MARCHF1: variants seen among roughly 807,000 people sequenced by gnomAD.
MARCHF1 encodes the protein membrane associated ring-CH-type finger 1.
MARCHF1 carries 40 observed loss-of-function variants against 54.2 expected under a neutral mutation model. The ratio of observed to expected loss-of-function variants is 0.74; its 90% CI spans 0.57 to 0.96. The LOEUF (loss-of-function observed/expected upper bound fraction) is 0.96. Among genes scored for constraint, MARCHF1 ranks in the 40% least tolerant of loss-of-function variants. The probability of loss-of-function intolerance (pLI) is 0.00; values close to 1 mark genes in which losing one functional copy is unlikely to be tolerated. For missense variants in MARCHF1, 586 were observed against 656.5 expected (o/e 0.89, Z 1.17); for synonymous variants, 236 against 236.3 (o/e 1.00, Z 0.01).
At chr4:164,063,521 T>G (rs1257051366) in intron 2 of MARCHF1, among the ~76,000 whole-genome samples, 1 of 152,202 alleles carries the variant, frequency 6.6e-6, no homozygotes, top group Non-Finnish European at 1.5e-5. Context: ...ATGGAAATAT[T>G]TAAATTGAGG....
At chr4:163,697,619 A>G (rs1284232705) in intron 5 of MARCHF1, among the ~76,000 whole-genome samples, 1 of 152,200 alleles carries the variant, frequency 6.6e-6, no homozygotes, top group East Asian at 1.9e-4. Context: ...TAGAAATATA[A>G]AAGATAATCT....
intron 2 of MARCHF1, among the ~76,000 whole-genome samples, chr4:164,054,643 T>G (rs1462867449): frequency 5.9e-5 from 9 of 151,326 alleles, no homozygotes; most frequent in South Asian, 4.2e-4. Context: ...ATGGATGAAA[T>G]TGGAAATCAT....
At chr4:163,890,181 G>A (rs934864523) in intron 3 of MARCHF1, among the ~76,000 whole-genome samples, 2 of 150,588 alleles carry the variant, frequency 1.3e-5, no homozygotes, top group Non-Finnish European at 3.0e-5. Context: ...TGATCCACCC[G>A]CCTTGGCCTC....
intron 5 of MARCHF1, among the ~76,000 whole-genome samples, chr4:163,628,813 GA>G (rs1485753765): frequency 6.6e-6 from 1 of 151,896 alleles, no homozygotes. Flanking sequence ...GCTACGAAGA[GA>G]AAAAAATACC....
chr4:163,572,179 T>C (rs928250713), intron 8 of MARCHF1, among the ~76,000 whole-genome samples: 11 of 152,244 alleles, frequency 7.2e-5, no homozygotes, highest in African/African-American at 2.4e-4. Context: ...TCTTTATCGC[T>C]TAGGTCTTGG....
intron 5 of MARCHF1, among the ~76,000 whole-genome samples, chr4:163,619,956 T>C (rs1741626934): frequency 1.3e-5 from 2 of 152,114 alleles, no homozygotes; most frequent in South Asian, 2.1e-4. Flanking sequence ...TACACCCATA[T>C]ACCAAAACCA....
chr4:164,315,353 C>T (rs557209985), intron 1 of MARCHF1, among the ~76,000 whole-genome samples: 1 of 151,872 alleles, frequency 6.6e-6, no homozygotes, highest in East Asian at 1.9e-4. Flanking sequence ...GTTAGCAAAC[C>T]ACTATGGAAA....
intron 1 of MARCHF1, among the ~76,000 whole-genome samples, chr4:164,368,378 A>G (rs1578905431): frequency 6.6e-6 from 1 of 151,904 alleles, no homozygotes; most frequent in Non-Finnish European, 1.5e-5. Context: ...GACACTTATA[A>G]TGATTATTAT....
chr4:163,575,644 G>A (rs1740011234), intron 8 of MARCHF1, among the ~76,000 whole-genome samples: 1 of 151,802 alleles, frequency 6.6e-6, no homozygotes, highest in Non-Finnish European at 1.5e-5. Context: ...TCTTTGTATA[G>A]CTGGTATAAT....
chr4:163,867,235 C>A (rs1750072603), intron 3 of MARCHF1, among the ~76,000 whole-genome samples: 1 of 149,796 alleles, frequency 6.7e-6, no homozygotes, highest in Admixed American at 6.6e-5. Flanking sequence ...CATAAAATCC[C>A]TCTCTTCCTT....
intron 1 of MARCHF1, among the ~76,000 whole-genome samples, chr4:164,273,796 T>C (rs1427951113): frequency 2.6e-5 from 4 of 152,218 alleles, no homozygotes; most frequent in Non-Finnish European, 5.9e-5. Context: ...TTGGTGGTGT[T>C]TTTAATCAGA....
chr4:163,883,258 TGAGAGAGAGAGAGA>T (rs55714281), intron 3 of MARCHF1, among the ~76,000 whole-genome samples: 2 of 145,476 alleles, frequency 1.4e-5, no homozygotes, highest in Non-Finnish European at 3.0e-5. Context: ...TATATATATA[TGAGAGAGAGAGAGA>T]GAGAGAGAGA....
At chr4:163,745,244 TG>T (rs1746323483) in intron 4 of MARCHF1, among the ~76,000 whole-genome samples, 1 of 150,008 alleles carries the variant, frequency 6.7e-6, no homozygotes, top group African/African-American at 2.4e-5. Context: ...CCCGAGTAGC[TG>T]GGATTACAGG....
chr4:164,306,351 C>T (rs1156634886), intron 1 of MARCHF1, among the ~76,000 whole-genome samples: 1 of 152,116 alleles, frequency 6.6e-6, no homozygotes, highest in Non-Finnish European at 1.5e-5. Flanking sequence ...AAAATATCCA[C>T]TAAAATCAAC....
intron 1 of MARCHF1, among the ~76,000 whole-genome samples, chr4:164,161,200 G>T (rs1430967): frequency 0.58 from 87,942 of 151,852 alleles, 25,904 homozygotes; most frequent in African/African-American, 0.64. Flanking sequence ...CTCGTGATAG[G>T]GAGTGAGTTG....
At chr4:164,106,787 A>G (rs1169914011) in intron 2 of MARCHF1, among the ~76,000 whole-genome samples, 1 of 151,916 alleles carries the variant, frequency 6.6e-6, no homozygotes, top group Non-Finnish European at 1.5e-5. Context: ...AATAAAAAAA[A>G]AAAAGGAATA....
At chr4:163,937,110 G>A (rs1204997323) in intron 3 of MARCHF1, among the ~76,000 whole-genome samples, 1 of 152,122 alleles carries the variant, frequency 6.6e-6, no homozygotes, top group Non-Finnish European at 1.5e-5. Context: ...GTGATGTTCA[G>A]TAGTCCTCTA....
chr4:163,776,228 A>T (rs1037569291), intron 4 of MARCHF1, among the ~76,000 whole-genome samples: 1 of 152,104 alleles, frequency 6.6e-6, no homozygotes, highest in Non-Finnish European at 1.5e-5. Flanking sequence ...AGAAAAAATT[A>T]AGGAACTTGC....
At chr4:163,637,367 C>T (rs1324189835) in intron 5 of MARCHF1, among the ~76,000 whole-genome samples, 2 of 151,928 alleles carry the variant, frequency 1.3e-5, no homozygotes, top group South Asian at 2.1e-4. Context: ...GGCTAATAGC[C>T]AGAATCTACA....
Sources: allele counts gnomAD v4.1 joint callset (sites outside exome capture counted in the v4.1 genomes callset), GRCh38; gene constraint gnomAD v4.1.1; transcripts MANE v1.5; gene names NCBI Gene and HGNC (gene_info 2026-07-23, HGNC 2026-07-21).